OR4N2: variants seen among roughly 807,000 people sequenced by gnomAD.
OR4N2 encodes olfactory receptor family 4 subfamily N member 2.
For missense variants in OR4N2, 307 were observed against 377.6 expected (o/e 0.81, Z 1.55); for synonymous variants, 141 against 140.4 (o/e 1.00, Z -0.03).
chr14:19,820,534 C>A (rs983715835), intron 1 of OR4N2, among the ~76,000 whole-genome samples: 1 of 152,236 alleles, frequency 6.6e-6, no homozygotes, highest in African/African-American at 2.4e-5. Context: ...CCCACAGCCG[C>A]CCTTCCCCCC....
chr14:19,821,226 A>G (rs1394112269), intron 1 of OR4N2, among the ~76,000 whole-genome samples: 1 of 152,190 alleles, frequency 6.6e-6, no homozygotes, highest in African/African-American at 2.4e-5. Context: ...GTGATGCCCC[A>G]CCCTGCTTTG....
intron 1 of OR4N2, among the ~76,000 whole-genome samples, chr14:19,817,827 T>C (rs1332158524): frequency 6.6e-6 from 1 of 152,270 alleles, no homozygotes; most frequent in Admixed American, 6.5e-5. Flanking sequence ...TGGCATTTAG[T>C]GCTATAAATT....
intron 1 of OR4N2, among the ~76,000 whole-genome samples, chr14:19,823,757 G>T (rs563594828): frequency 7.0e-6 from 1 of 142,004 alleles, no homozygotes; most frequent in East Asian, 2.0e-4. Flanking sequence ...AAGGGGAAAA[G>T]AACAGGCAAC....
At position 19,828,010 on chromosome 14, in the gene OR4N2, G is replaced by A. The variant is rs1406893275; in HGVS notation, c.562G>A (p.Ala188Thr). 3.7e-6 allele frequency: 6 copies of A among 1,614,212 alleles called. No homozygotes were observed. Among genetic ancestry groups the A allele is most frequent in the Non-Finnish European group, 5.1e-6 (6 of 1,180,042 alleles). Residue 188 changes from alanine (A) to threonine (T), a missense_variant, in exon 2 of 2, where the codon GCC becomes ACC. Ala to Thr is a moderately conservative substitution (Grantham distance 58). Transcript: ENST00000557677. ...TGATGTCCCACAGGTCATCAAGCTG[G>A]CCTGCACCGACACATTTGTGGTGGA... ...FCDVPQVIKLACTDTFVVELL... is the reference protein window; with the variant it reads ...FCDVPQVIKLTCTDTFVVELL...
chr14:19,810,271 A>G (rs1879263934), intron 1 of OR4N2, among the ~76,000 whole-genome samples: 1 of 152,248 alleles, frequency 6.6e-6, no homozygotes, highest in Non-Finnish European at 1.5e-5. Context: ...AGATAAATGC[A>G]CATCAAAACC....
At chr14:19,822,214 T>C (rs1428363745) in intron 1 of OR4N2, 4 of 151,442 alleles carry the variant, frequency 2.6e-5, no homozygotes, top group African/African-American at 7.3e-5. Context: ...ATTACTTTAC[T>C]GGCAAACAAA....
chr14:19,819,950 G>C (rs535231502), intron 1 of OR4N2, among the ~76,000 whole-genome samples: 82 of 152,344 alleles, frequency 5.4e-4, no homozygotes, highest in African/African-American at 1.9e-3. Flanking sequence ...CCCCTCTGCT[G>C]CAGGTCTGCT....
chr14:19,817,887 G>A (rs1339039033), intron 1 of OR4N2, among the ~76,000 whole-genome samples: 1 of 152,248 alleles, frequency 6.6e-6, no homozygotes, highest in Non-Finnish European at 1.5e-5. Flanking sequence ...GGTACATTGT[G>A]TCTTTGTTCT....
intron 1 of OR4N2, among the ~76,000 whole-genome samples, chr14:19,824,424 T>C (rs1432723013): frequency 2.0e-5 from 3 of 152,220 alleles, no homozygotes; most frequent in Non-Finnish European, 4.4e-5. Flanking sequence ...GCTTATAACC[T>C]TCAATTTCAA....
At position 19,818,845 on chromosome 14, in the gene OR4N2, T is replaced by C. The variant is rs1187915088; in HGVS notation, c.-9-8595T>C. On this transcript the variant is annotated intron_variant, in intron 1 of 1. Transcript: ENST00000557677. ...CAGTTTTTCTTTCCATATTTAGTGC[T>C]TCCTTCTGGAGCTCTTGTAAGGCAG... 2.0e-5 allele frequency among the ~76,000 whole-genome samples: 3 copies of C among 152,378 alleles called. No individual in the cohort carries two copies. In the South Asian group the frequency reaches 6.2e-4, roughly 32 times the overall value.
At chr14:19,818,102 T>C (rs1879473155) in intron 1 of OR4N2, among the ~76,000 whole-genome samples, 1 of 152,264 alleles carries the variant, frequency 6.6e-6, no homozygotes, top group African/African-American at 2.4e-5. Context: ...GTGCTTTACT[T>C]CCAAGTATGT....
intron 1 of OR4N2, among the ~76,000 whole-genome samples, chr14:19,823,044 A>C (rs1017918890): frequency 2.0e-5 from 3 of 152,358 alleles, no homozygotes; most frequent in African/African-American, 7.2e-5. Flanking sequence ...TTGATGAATA[A>C]ATTTTCTGGC....
intron 1 of OR4N2, among the ~76,000 whole-genome samples, chr14:19,827,165 G>A (rs1350668612): frequency 6.6e-6 from 1 of 152,260 alleles, no homozygotes; most frequent in African/African-American, 2.4e-5. Context: ...TCCCAACGTG[G>A]AGGATACCAG....
chr14:19,823,352 A>C (rs1056992996), intron 1 of OR4N2, among the ~76,000 whole-genome samples: 3 of 152,234 alleles, frequency 2.0e-5, no homozygotes, highest in Admixed American at 1.3e-4. Context: ...GTTCACTTAC[A>C]AGTATGAAGT....
At chr14:19,826,258 A>T (rs1292320377) in intron 1 of OR4N2, among the ~76,000 whole-genome samples, 14 of 152,264 alleles carry the variant, frequency 9.2e-5, no homozygotes, top group African/African-American at 3.4e-4. Context: ...CACAATGCAC[A>T]TTGTTTTTCT....
In OR4N2 at chr14:19,827,591, C is replaced by G. The variant is rs1594403794; in HGVS notation, c.143C>G (p.Thr48Ser). Residue 48 changes from threonine (T) to serine (S), a missense_variant, in exon 2 of 2, where the codon ACC (threonine) becomes AGC (serine). Physicochemically the swap from Thr to Ser is moderately conservative, Grantham distance 58. Transcript: ENST00000557677. The stretch of plus-strand genomic sequence containing the variant: ...CCTGGAAATTTTCTCATTATTTTCA[C>G]CATAAAGTCAGACCCTGGGCTCACA... ...ILPGNFLIIF[T>S]IKSDPGLTAP... 1 of 1,614,058 alleles carries G rather than the reference C, an allele frequency of 6.2e-7. No individual in the cohort carries two copies. Among genetic ancestry groups the G allele is most frequent in the Non-Finnish European group, 8.5e-7 (1 of 1,180,038 alleles).
At chr14:19,813,424 G>T (rs553011536) in intron 1 of OR4N2, among the ~76,000 whole-genome samples, 1 of 152,374 alleles carries the variant, frequency 6.6e-6, no homozygotes, top group East Asian at 1.9e-4. Context: ...GATTTGAAAA[G>T]GAAAGTTGTA....
intron 1 of OR4N2, among the ~76,000 whole-genome samples, chr14:19,823,319 G>T (rs1312646156): frequency 6.6e-6 from 1 of 152,042 alleles, no homozygotes; most frequent in East Asian, 1.9e-4. Context: ...TAAAAAAAAG[G>T]TGAATCATCT....
chr14:19,820,779 C>T (rs111974627), intron 1 of OR4N2, among the ~76,000 whole-genome samples: 1,557 of 152,034 alleles, frequency 0.01, no homozygotes, highest in African/African-American at 0.034. Flanking sequence ...TGCCCCTACC[C>T]CAACCAAGCT....
Sources: allele counts gnomAD v4.1 joint callset (sites outside exome capture counted in the v4.1 genomes callset), GRCh38; gene constraint gnomAD v4.1.1; transcripts MANE v1.5; gene names NCBI Gene and HGNC (gene_info 2026-07-23, HGNC 2026-07-21).